Variants in RERE observed in about 807,000 individuals in gnomAD.
The protein encoded by RERE is arginine-glutamic acid dipeptide repeats protein.
RERE carries 40 observed loss-of-function variants against 146.1 expected under a neutral mutation model. The ratio of observed to expected loss-of-function variants is 0.27; its 90% CI spans 0.21 to 0.36. The LOEUF is 0.36. Among genes scored for constraint, RERE ranks in the 10% least tolerant of loss-of-function variants. The probability of loss-of-function intolerance (pLI) is 1.00; values close to 1 mark genes in which losing one functional copy is unlikely to be tolerated. For synonymous variants in RERE, 1,003 were observed against 866.0 expected, an observed-to-expected ratio of 1.16 and a Z score of -2.78; for missense variants, 1,933 against 2,138.7, an observed-to-expected ratio of 0.90 and a Z score of 1.90.
chr1:8,733,321 G>A (rs185417487), intron 1 of RERE, among the ~76,000 whole-genome samples: 6 of 152,242 alleles, frequency 3.9e-5, no homozygotes, highest in Admixed American at 1.3e-4. Flanking sequence ...ACTGGGCTAC[G>A]GCTCCTTTTA....
chr1:8,740,095 C>T (rs1321045311), intron 1 of RERE, among the ~76,000 whole-genome samples: 1 of 152,006 alleles, frequency 6.6e-6, no homozygotes, highest in Admixed American at 6.6e-5. Flanking sequence ...CTAAGTACAC[C>T]CAAAAGAATC....
At chr1:8,597,336 G>C (rs1035785894) in intron 4 of RERE, among the ~76,000 whole-genome samples, 1 of 151,928 alleles carries the variant, frequency 6.6e-6, no homozygotes, top group Non-Finnish European at 1.5e-5. Flanking sequence ...CAATCCACCC[G>C]CTGCCTCAGC....
intron 4 of RERE, among the ~76,000 whole-genome samples, chr1:8,606,389 A>G (rs1458632536): frequency 1.3e-5 from 2 of 152,202 alleles, no homozygotes; most frequent in Admixed American, 6.5e-5. Context: ...GAGGAAAGCT[A>G]TAACTAAAAT....
At position 8,491,239 on chromosome 1, in the gene RERE, G is replaced by A. The variant is rs59128155; in HGVS notation, c.1104+3824C>T. ...GTGAATCACCTGAGATCGGGAGTTC[G>A]AGACCAGCCTGACCAACATGGCGAA... On this transcript the variant is annotated intron_variant, in intron 10 of 22. Transcript: ENST00000400908. Among the ~76,000 whole-genome samples, 262 of 143,636 alleles carry A rather than the reference G, an allele frequency of 1.8e-3. 4 individuals carry two copies. The highest frequency in any genetic ancestry group is 7.2e-3 in the African/African-American group (242 of 33,436). The allele number at this position is 143,636 out of a possible 152,430, so 94.2% of individuals were successfully genotyped here.
In RERE at chr1:8,411,624, T is replaced by C. The variant is rs191493429; in HGVS notation, c.1284+11103A>G. On this transcript the variant is annotated intron_variant, in intron 12 of 22. Transcript: ENST00000400908. ...ACCAGGTGATACTACAGAGTGAGCT[T>C]TGGATACATGACATGGAAACAAATG... Among the ~76,000 whole-genome samples, 20 of 152,284 alleles carry C rather than the reference T, an allele frequency of 1.3e-4. No individual in the cohort carries two copies. The East Asian group carries it at 3.7e-3, about 28-fold the overall frequency.
chr1:8,534,428 C>A (rs898879266), intron 7 of RERE, among the ~76,000 whole-genome samples: 5 of 152,150 alleles, frequency 3.3e-5, no homozygotes, highest in Non-Finnish European at 5.9e-5. Context: ...TGAATATACA[C>A]ACATAAATAC....
At chr1:8,701,264 C>T (rs1475794125) in intron 1 of RERE, among the ~76,000 whole-genome samples, 1 of 149,574 alleles carries the variant, frequency 6.7e-6, no homozygotes, top group Non-Finnish European at 1.5e-5. Context: ...TAGCTGAAGG[C>T]ACCGGGATGG....
At chr1:8,575,259 G>A (rs1210236043) in intron 4 of RERE, among the ~76,000 whole-genome samples, 3 of 151,992 alleles carry the variant, frequency 2.0e-5, no homozygotes, top group African/African-American at 4.8e-5. Context: ...ACCAGAAATC[G>A]TGCATCCTTG....
chr1:8,623,691 A>C (rs1213043508), intron 3 of RERE, among the ~76,000 whole-genome samples: 1 of 152,222 alleles, frequency 6.6e-6, no homozygotes, highest in Non-Finnish European at 1.5e-5. Context: ...AAGCGATTTC[A>C]TAATGAGGAA....
intron 2 of RERE, among the ~76,000 whole-genome samples, chr1:8,640,488 C>A (rs1647162876): frequency 6.6e-6 from 1 of 152,130 alleles, no homozygotes; most frequent in African/African-American, 2.4e-5. Flanking sequence ...AAAAGGCATT[C>A]CTTGCAAACA....
chr1:8,639,465 T>C (rs548741381), intron 2 of RERE, among the ~76,000 whole-genome samples: 7 of 152,324 alleles, frequency 4.6e-5, no homozygotes, highest in African/African-American at 9.6e-5. Flanking sequence ...CCCTGAAAGA[T>C]AGCTCCGAGT....
intron 1 of RERE, among the ~76,000 whole-genome samples, chr1:8,700,110 A>G (rs930642203): frequency 6.6e-6 from 1 of 152,160 alleles, no homozygotes; most frequent in South Asian, 2.1e-4. Context: ...TTCGAGACCA[A>G]CCTCGCCAAC....
intron 1 of RERE, among the ~76,000 whole-genome samples, chr1:8,674,903 C>A (rs909411791): frequency 4.6e-5 from 7 of 152,136 alleles, no homozygotes. Context: ...ATATACACTA[C>A]CAGAGAACAT....
chr1:8,551,778 T>C (rs1265449425), intron 6 of RERE, among the ~76,000 whole-genome samples: 1 of 152,168 alleles, frequency 6.6e-6, no homozygotes, highest in African/African-American at 2.4e-5. Context: ...CTTGAACAAG[T>C]TTGTCAAAGG....
intron 8 of RERE, among the ~76,000 whole-genome samples, chr1:8,502,425 C>G (rs1470833394): frequency 1.7e-5 from 2 of 117,538 alleles, no homozygotes; most frequent in African/African-American, 7.0e-5. Context: ...AAGTGAGGAG[C>G]CCCTCTGCCT....
rs191349793 is a variant in RERE, at chr1:8,373,070, C to T, written c.1285-7096G>A. ...CTGTCAGCTGAGCAGACTGTAGTTACGTGATGGGACAGGAGCCAACAGGGG... is the reference window on the plus strand; with the variant it reads ...CTGTCAGCTGAGCAGACTGTAGTTATGTGATGGGACAGGAGCCAACAGGGG... On this transcript the variant is annotated intron_variant, in intron 12 of 22. Coordinates refer to ENST00000400908, the MANE Select transcript of RERE (RefSeq NM_001042681.2). Among the ~76,000 whole-genome samples the T allele has an allele frequency of 3.3e-5, 5 of 152,336 alleles. No individual in the cohort carries two copies. The East Asian group carries it at 5.8e-4, about 18-fold the overall frequency.
intron 4 of RERE, among the ~76,000 whole-genome samples, chr1:8,564,511 G>C (rs1646117492): frequency 6.6e-6 from 1 of 152,150 alleles, no homozygotes; most frequent in Non-Finnish European, 1.5e-5. Flanking sequence ...TTTCAAATTA[G>C]AGATGCCCAA....
intron 8 of RERE, among the ~76,000 whole-genome samples, chr1:8,507,900 C>T (rs997819977): frequency 6.6e-6 from 1 of 150,952 alleles, no homozygotes. Flanking sequence ...CCACCACGCC[C>T]GGCTAATTTT....
chr1:8,521,061 G>T (rs1645490958), intron 7 of RERE, among the ~76,000 whole-genome samples: 1 of 151,202 alleles, frequency 6.6e-6, no homozygotes, highest in Non-Finnish European at 1.5e-5. Flanking sequence ...ACACAAACAG[G>T]CAATAACTAA....
Sources: gnomAD v4.1 joint callset for allele counts (sites outside exome capture counted in the v4.1 genomes callset) on GRCh38, gnomAD v4.1.1 for gene constraint, MANE v1.5 for transcripts, NCBI Gene and HGNC (gene_info 2026-07-23, HGNC 2026-07-21) for gene names.